PCDH9: variants seen among roughly 807,000 people sequenced by gnomAD.
PCDH9 encodes protocadherin 9, also known as protocadherin-9.
In PCDH9, 24 loss-of-function variants were observed where a neutral mutation model predicts 70.6. The ratio of observed to expected loss-of-function variants is 0.34; its 90% CI spans 0.25 to 0.48. The LOEUF is 0.48. PCDH9 is among the 20% of genes least tolerant of loss of function. The pLI, the probability that PCDH9 is intolerant of heterozygous loss-of-function variation, is 0.99. For missense variants in PCDH9, 1,281 were observed against 1,503.6 expected (o/e 0.85, Z 2.45); for synonymous variants, 562 against 558.5 (o/e 1.01, Z -0.09).
intron 3 of PCDH9, among the ~76,000 whole-genome samples, chr13:66,836,931 C>T (rs1223434865): frequency 1.3e-5 from 2 of 152,110 alleles, no homozygotes; most frequent in African/African-American, 2.4e-5. Flanking sequence ...TAACAGCGCT[C>T]GAGTACAAAA....
At chr13:66,907,034 C>T (rs191888631) in intron 2 of PCDH9, among the ~76,000 whole-genome samples, 143 of 151,886 alleles carry the variant, frequency 9.4e-4, no homozygotes, top group Admixed American at 1.8e-3. Flanking sequence ...GGCAAAACCC[C>T]GTCTACTGAA....
At chr13:66,836,790 A>AGTAAAATCCTCG (rs1437669383) in intron 3 of PCDH9, among the ~76,000 whole-genome samples, 13 of 152,162 alleles carry the variant, frequency 8.5e-5, no homozygotes, top group Admixed American at 8.5e-4. Flanking sequence ...GGTGGGTAAA[A>AGTAAAATCCTCG]GTAAAATCCT....
chr13:66,854,740 T>G (rs1339034443), intron 3 of PCDH9, among the ~76,000 whole-genome samples: 1 of 152,148 alleles, frequency 6.6e-6, no homozygotes, highest in African/African-American at 2.4e-5. Flanking sequence ...TGATATGCTT[T>G]ACAGAGGAAA....
At chr13:66,823,474 T>A (rs1224301965) in intron 3 of PCDH9, among the ~76,000 whole-genome samples, 1 of 151,920 alleles carries the variant, frequency 6.6e-6, no homozygotes, top group African/African-American at 2.4e-5. Flanking sequence ...ATATTGAATT[T>A]GCAGTATATA....
chr13:66,631,997 G>A (rs924089627), intron 3 of PCDH9, among the ~76,000 whole-genome samples: 9 of 152,102 alleles, frequency 5.9e-5, no homozygotes, highest in South Asian at 4.1e-4. Flanking sequence ...AGGTTCAAGC[G>A]ATTCTCCTGT....
chr13:66,781,680 A>C (rs1179326827), intron 3 of PCDH9, among the ~76,000 whole-genome samples: 1 of 152,162 alleles, frequency 6.6e-6, no homozygotes, highest in Admixed American at 6.6e-5. Context: ...GTAAAATACT[A>C]AACTAGAAAA....
chr13:67,051,066 G>A (rs796157144), intron 2 of PCDH9, among the ~76,000 whole-genome samples: 33 of 152,100 alleles, frequency 2.2e-4, no homozygotes, highest in African/African-American at 6.5e-4. Context: ...AAATGATGAC[G>A]CAGTAGCACA....
intron 4 of PCDH9, among the ~76,000 whole-genome samples, chr13:66,448,821 G>T (rs1289804309): frequency 9.0e-6 from 1 of 111,112 alleles, no homozygotes; most frequent in Admixed American, 1.1e-4. Context: ...ATACAATCAA[G>T]TTAGTAGATT....
At chr13:66,684,269 T>C (rs1416356286) in intron 3 of PCDH9, among the ~76,000 whole-genome samples, 1 of 152,192 alleles carries the variant, frequency 6.6e-6, no homozygotes, top group African/African-American at 2.4e-5. Context: ...CCTGGAAAAT[T>C]GATCATTTCT....
intron 3 of PCDH9, among the ~76,000 whole-genome samples, chr13:66,809,277 C>T (rs1233857877): frequency 6.6e-6 from 1 of 152,000 alleles, no homozygotes; most frequent in Admixed American, 6.6e-5. Context: ...AGAAGAGTAC[C>T]TTGAGGCTAG....
intron 2 of PCDH9, among the ~76,000 whole-genome samples, chr13:67,117,589 A>G (rs916024463): frequency 6.6e-6 from 1 of 152,174 alleles, no homozygotes; most frequent in Non-Finnish European, 1.5e-5. Context: ...TGTAGCCTGA[A>G]TAAGTTATAC....
chr13:66,910,788 C>G (rs1159163801), intron 2 of PCDH9, among the ~76,000 whole-genome samples: 1 of 152,098 alleles, frequency 6.6e-6, no homozygotes, highest in Admixed American at 6.6e-5. Context: ...TAGCTTTATC[C>G]TAGCCTTTTA....
At chr13:66,398,694 T>C (rs1414395983) in intron 4 of PCDH9, among the ~76,000 whole-genome samples, 2 of 152,214 alleles carry the variant, frequency 1.3e-5, no homozygotes, top group Non-Finnish European at 2.9e-5. Context: ...TCACTATTCA[T>C]GTCAATCACC....
At chr13:66,576,752 GC>G in intron 4 of PCDH9, among the ~76,000 whole-genome samples, 1 of 152,088 alleles carries the variant, frequency 6.6e-6, no homozygotes, top group African/African-American at 2.4e-5. Flanking sequence ...ATTCTTGTGT[GC>G]AATGAAATCC....
At chr13:67,141,770 A>G (rs1047814305) in intron 2 of PCDH9, among the ~76,000 whole-genome samples, 28 of 147,972 alleles carry the variant, frequency 1.9e-4, no homozygotes, top group African/African-American at 6.9e-4. Flanking sequence ...AAAAAAAAGA[A>G]GTTGGGAAAC....
chr13:66,587,219 G>A (rs1018915416), intron 4 of PCDH9, among the ~76,000 whole-genome samples: 1 of 151,926 alleles, frequency 6.6e-6, no homozygotes, highest in Non-Finnish European at 1.5e-5. Flanking sequence ...GATCCCTTGA[G>A]CCCACAGGGT....
chr13:67,136,195 G>A (rs1221853787), intron 2 of PCDH9, among the ~76,000 whole-genome samples: 2 of 152,108 alleles, frequency 1.3e-5, no homozygotes, highest in African/African-American at 2.4e-5. Context: ...ATCGCCCATA[G>A]AATTCAGTAC....
intron 3 of PCDH9, among the ~76,000 whole-genome samples, chr13:66,886,914 T>C (rs1000366755): frequency 6.6e-6 from 1 of 152,080 alleles, no homozygotes; most frequent in Admixed American, 6.6e-5. Flanking sequence ...ATAGAATTGC[T>C]GTGTTTTTTT....
intron 4 of PCDH9, among the ~76,000 whole-genome samples, chr13:66,357,420 TCC>T (rs796077204): frequency 3.7e-4 from 57 of 152,100 alleles, no homozygotes; most frequent in African/African-American, 1.4e-3. Flanking sequence ...AATTTTATTT[TCC>T]CCATAAAAGT....
Sources: gnomAD v4.1 joint callset for allele counts (sites outside exome capture counted in the v4.1 genomes callset) on GRCh38, gnomAD v4.1.1 for gene constraint, MANE v1.5 for transcripts, NCBI Gene and HGNC (gene_info 2026-07-23, HGNC 2026-07-21) for gene names.